CDH13: variants seen among roughly 807,000 people sequenced by gnomAD.
CDH13 encodes cadherin 13.
A neutral mutation model predicts 63.8 loss-of-function variants in CDH13; 24 were observed. The ratio of observed to expected loss-of-function variants is 0.38; its 90% CI spans 0.27 to 0.53. CDH13 has a LOEUF of 0.53. Ranked by LOEUF, CDH13 falls within the 20% of genes least tolerant of loss-of-function variation. The pLI is 0.85. For synonymous variants in CDH13, 503 were observed against 355.3 expected, an observed-to-expected ratio of 1.42 and a Z score of -4.67; for missense variants, 1,049 against 903.1, an observed-to-expected ratio of 1.16 and a Z score of -2.07.
chr16:82,935,324 A>G (rs543214916), intron 2 of CDH13, among the ~76,000 whole-genome samples: 1 of 152,054 alleles, frequency 6.6e-6, no homozygotes, highest in Non-Finnish European at 1.5e-5. Flanking sequence ...TGACCTAATC[A>G]CCTCCCATGA....
At chr16:83,557,507 A>G (rs1172903140) in intron 7 of CDH13, among the ~76,000 whole-genome samples, 2 of 152,146 alleles carry the variant, frequency 1.3e-5, no homozygotes, top group East Asian at 1.9e-4. Flanking sequence ...CATTATATGT[A>G]CTATTCTGTG....
chr16:83,297,938 C>G (rs966336248), intron 5 of CDH13, among the ~76,000 whole-genome samples: 2 of 151,296 alleles, frequency 1.3e-5, no homozygotes, highest in South Asian at 4.2e-4. Flanking sequence ...GAACCCAGCA[C>G]GGCAGCTCAC....
At chr16:82,705,255 C>A in intron 1 of CDH13, 1 of 436,904 alleles carries the variant, frequency 2.3e-6, no homozygotes, top group Non-Finnish European at 4.5e-6. Flanking sequence ...GGCTGCACTT[C>A]AAGAGACCAC....
At chr16:83,298,582 TA>T (rs2089658295) in intron 5 of CDH13, among the ~76,000 whole-genome samples, 2 of 152,180 alleles carry the variant, frequency 1.3e-5, no homozygotes, top group African/African-American at 4.8e-5. Flanking sequence ...CCTAAGCACT[TA>T]AAAACTCCAA....
intron 2 of CDH13, among the ~76,000 whole-genome samples, chr16:82,860,319 T>C (rs558239885): frequency 2.1e-5 from 3 of 146,300 alleles, no homozygotes; most frequent in East Asian, 4.1e-4. Context: ...AATCATACTT[T>C]GGGGGGATCT....
chr16:83,459,583 G>A (rs2073122007), intron 6 of CDH13, among the ~76,000 whole-genome samples: 1 of 152,200 alleles, frequency 6.6e-6, no homozygotes, highest in African/African-American at 2.4e-5. Context: ...GTTTCACTGT[G>A]CTGTACCAGA....
At chr16:82,889,437 A>C (rs1048060134) in intron 2 of CDH13, among the ~76,000 whole-genome samples, 2 of 152,228 alleles carry the variant, frequency 1.3e-5, no homozygotes, top group African/African-American at 2.4e-5. Context: ...TGATGGAAGA[A>C]AAAATACAAG....
At chr16:82,746,223 T>C (rs568521255) in intron 1 of CDH13, among the ~76,000 whole-genome samples, 58 of 95,882 alleles carry the variant, frequency 6.0e-4, no homozygotes, top group African/African-American at 1.7e-3. Flanking sequence ...TGTTTATATA[T>C]ATGTGTTTAT....
At chr16:83,386,508 T>G (rs959347018) in intron 6 of CDH13, among the ~76,000 whole-genome samples, 4 of 152,108 alleles carry the variant, frequency 2.6e-5, no homozygotes, top group African/African-American at 9.7e-5. Context: ...ATAAAAGAGG[T>G]GTTGGTTCAA....
chr16:83,242,078 T>C (rs958373357), intron 5 of CDH13, among the ~76,000 whole-genome samples: 1 of 152,220 alleles, frequency 6.6e-6, no homozygotes, highest in Non-Finnish European at 1.5e-5. Flanking sequence ...AAACACCATT[T>C]GGGGCTGCTC....
intron 2 of CDH13, among the ~76,000 whole-genome samples, chr16:82,942,945 C>T (rs1904312977): frequency 6.6e-6 from 1 of 152,144 alleles, no homozygotes; most frequent in African/African-American, 2.4e-5. Flanking sequence ...CTGTGCTCTA[C>T]CCCGTATCCT....
chr16:82,979,142 C>G (rs777019641), intron 2 of CDH13, among the ~76,000 whole-genome samples: 1 of 152,156 alleles, frequency 6.6e-6, no homozygotes, highest in Admixed American at 6.5e-5. Flanking sequence ...GCCAGTTACT[C>G]CCATTTGGAA....
intron 7 of CDH13, among the ~76,000 whole-genome samples, chr16:83,585,832 AC>A (rs1567785761): frequency 1.3e-5 from 2 of 152,152 alleles, no homozygotes; most frequent in Admixed American, 6.5e-5. Flanking sequence ...ACTAGTACCA[AC>A]AGGGGTTTTG....
At chr16:83,305,658 G>C (rs1467711662) in intron 5 of CDH13, among the ~76,000 whole-genome samples, 1 of 152,230 alleles carries the variant, frequency 6.6e-6, no homozygotes, top group Non-Finnish European at 1.5e-5. Flanking sequence ...CTTGGAGCCA[G>C]ATGGGAGTTT....
At chr16:83,096,152 T>C (rs1018089780) in intron 3 of CDH13, among the ~76,000 whole-genome samples, 2 of 152,206 alleles carry the variant, frequency 1.3e-5, no homozygotes, top group African/African-American at 4.8e-5. Context: ...GTAAGGGCAT[T>C]AGCCTGTACC....
chr16:82,693,928 A>T (rs2029937824), intron 1 of CDH13, among the ~76,000 whole-genome samples: 1 of 152,228 alleles, frequency 6.6e-6, no homozygotes, highest in African/African-American at 2.4e-5. Context: ...AATGGGATAC[A>T]CTAAGGTACA....
Position 83,298,251 on chromosome 16 carries a change from G to A in CDH13, c.637-46611G>A, listed in dbSNP as rs914754833. 6.6e-5 allele frequency among the ~76,000 whole-genome samples: 10 copies of A among 151,540 alleles called. No individual in the cohort carries two copies. In the East Asian group the frequency reaches 7.7e-4, roughly 12 times the overall value. ...GAGCAAGGCCGTGTCAACACAAGACGAGACAAAATGAGATGAGACGAGATG... is the reference window on the plus strand; with the variant it reads ...GAGCAAGGCCGTGTCAACACAAGACAAGACAAAATGAGATGAGACGAGATG... On this transcript the variant is annotated intron_variant, in intron 5 of 13. Coordinates refer to ENST00000567109, the MANE Select transcript of CDH13 (RefSeq NM_001257.5).
chr16:83,745,460 A>G (rs537022595), intron 10 of CDH13, among the ~76,000 whole-genome samples: 1 of 152,336 alleles, frequency 6.6e-6, no homozygotes, highest in African/African-American at 2.4e-5. Context: ...AAAGACCTCC[A>G]GATGATTGGT....
At chr16:83,413,670 C>G (rs144435501) in intron 6 of CDH13, among the ~76,000 whole-genome samples, 1 of 152,274 alleles carries the variant, frequency 6.6e-6, no homozygotes, top group East Asian at 1.9e-4. Flanking sequence ...AAACAGCCCT[C>G]CCTTACCTTG....
Sources: gnomAD v4.1 joint callset for allele counts (sites outside exome capture counted in the v4.1 genomes callset) on GRCh38, gnomAD v4.1.1 for gene constraint, MANE v1.5 for transcripts, NCBI Gene and HGNC (gene_info 2026-07-23, HGNC 2026-07-21) for gene names.